The following VKORC1 variants were observed in gnomAD, a reference collection of about 807,000 sequenced individuals.
VKORC1 encodes the protein phylloquinone epoxide reductase.
VKORC1 carries 12 observed loss-of-function variants against 14.8 expected under a neutral mutation model. The observed-to-expected ratio is 0.81, with a 90% confidence interval of 0.52 to 1.31. The LOEUF is 1.31. Among genes scored for constraint, VKORC1 ranks in the 50% most tolerant of loss-of-function variants. The probability of loss-of-function intolerance (pLI) is 0.00; values close to 1 mark genes in which losing one functional copy is unlikely to be tolerated. For missense variants in VKORC1, 223 were observed against 215.3 expected (o/e 1.04, Z -0.22); for synonymous variants, 94 against 92.5 (o/e 1.02, Z -0.09).
chr16:31,092,538 G>T (rs923167227), intron 2 of VKORC1, among the ~76,000 whole-genome samples: 1 of 152,074 alleles, frequency 6.6e-6, no homozygotes, highest in Non-Finnish European at 1.5e-5. Flanking sequence ...CAAAGGGAGC[G>T]TGGGAGCCTG....
At position 31,090,975 on chromosome 16, in the gene VKORC1, G is replaced by A; in HGVS notation, c.*159C>T. 1 of 1,221,874 alleles carries A rather than the reference G, an allele frequency of 8.2e-7. No homozygotes were observed. The highest frequency in any genetic ancestry group is 1.4e-5 in the South Asian group (1 of 70,862). The allele number at this position is 1,221,874 out of a possible 1,614,324, so 75.7% of individuals were successfully genotyped here. ...TGGGTGTAAAAAAGAGCGAGCGTGT[G>A]GCACATTTGGTCCATTGTCATGTGC... On this transcript the variant is annotated 3_prime_UTR_variant, in exon 3 of 3. Transcript: ENST00000394975.
intron 2 of VKORC1, chr16:31,092,665 A>G: frequency 8.3e-7 from 1 of 1,197,796 alleles, no homozygotes; most frequent in Non-Finnish European, 1.1e-6. Flanking sequence ...ACTAGATACA[A>G]ATTTTCCTGC....
At position 31,093,411 on chromosome 16, in the gene VKORC1, C is replaced by T. The variant is rs1158890375; in HGVS notation, c.184G>A (p.Gly62Ser). 2 of 1,614,174 alleles carry T rather than the reference C, an allele frequency of 1.2e-6. No homozygotes were observed. The highest frequency in any genetic ancestry group is 3.3e-5 in the Admixed American group (2 of 60,028). Reference protein sequence around the residue: ...SRVFSSRWGRGFGLVEHVLGQ... With the variant: ...SRVFSSRWGRSFGLVEHVLGQ... ...AGCACATGCTCCACCAGCCCGAAAC[C>T]CCTGCCCCACCTGGCAGAGGGGTGG... Residue 62 changes from glycine to serine, a missense_variant, in exon 2 of 3, where the codon GGT (glycine) becomes AGT (serine). Gly to Ser is a moderately conservative substitution (Grantham distance 56, BLOSUM62 0). Transcript: ENST00000394975.
chr16:31,093,571 T>C, intron 1 of VKORC1, 150 bp from the exon 2 acceptor site: 1 of 1,527,690 alleles, frequency 6.5e-7, no homozygotes, highest in Non-Finnish European at 8.8e-7. Flanking sequence ...GATGATCTCC[T>C]GGCACCGGGC....
chr16:31,091,365 G>C, intron 2 of VKORC1, 23 bp from the exon 3 acceptor site: 1 of 1,606,606 alleles, frequency 6.2e-7, no homozygotes, highest in African/African-American at 1.3e-5. Context: ...AGAGGGTCCG[G>C]TGTGGGCTTC....
chr16:31,091,315 A>C lies in VKORC1; in HGVS notation c.311T>G (p.Val104Gly), dbSNP rs1389762752. The change falls in exon 3 of 3, where the codon GTC (valine) becomes GGC (glycine). Residue 104 changes from valine (V) to glycine (G), a missense_variant. Val to Gly is a moderately radical substitution (Grantham distance 109, BLOSUM62 -3). Coordinates refer to ENST00000394975, the MANE Select transcript of VKORC1 (RefSeq NM_024006.6). Reference sequence around the variant, plus strand: ...CACCAGGGAGCTCAGCAGCATCAGGACAGAGGCCCAGCGTGTCCGCAGGCA... The same window carrying C: ...CACCAGGGAGCTCAGCAGCATCAGGCCAGAGGCCCAGCGTGTCCGCAGGCA... ...LGCLRTRWAS[V>G]LMLLSSLVSL... 6.2e-7 allele frequency: 1 copy of C among 1,614,072 alleles called. No homozygotes were observed. Among genetic ancestry groups the C allele is most frequent in the South Asian group, 1.1e-5 (1 of 91,076 alleles).
intron 2 of VKORC1, among the ~76,000 whole-genome samples, chr16:31,091,573 AGACCC>A (rs2057290652): frequency 6.6e-6 from 1 of 152,246 alleles, no homozygotes; most frequent in Non-Finnish European, 1.5e-5. Flanking sequence ...CAACATAGAA[AGACCC>A]GATCTCTATC....
At chr16:31,091,951 G>A (rs1221923453) in intron 2 of VKORC1, among the ~76,000 whole-genome samples, 2 of 151,954 alleles carry the variant, frequency 1.3e-5, no homozygotes, top group Non-Finnish European at 2.9e-5. Context: ...AGGCCAAGGC[G>A]GATGGATCAC....
At position 31,091,346 on chromosome 16, in the gene VKORC1, C is replaced by G; in HGVS notation, c.284-4G>C. ...GCCCAGCGTGTCCGCAGGCAACCTG[C>G]AAGGCAGAAGAGGGTCCGGTGTGGG... On this transcript the variant is annotated splice_region_variant and splice_polypyrimidine_tract_variant and intron_variant, in intron 2 of 2. Transcript: ENST00000394975. The G allele has an allele frequency of 6.2e-7, 1 of 1,612,602 alleles. No individual in the cohort carries two copies. The highest frequency in any genetic ancestry group is 8.5e-7 in the Non-Finnish European group (1 of 1,179,392).
At chr16:31,092,264 G>A (rs1362794214) in intron 2 of VKORC1, among the ~76,000 whole-genome samples, 1 of 149,784 alleles carries the variant, frequency 6.7e-6, no homozygotes, top group Non-Finnish European at 1.5e-5. Flanking sequence ...GCTTGAGCCA[G>A]GTTACAGTGA....
intron 2 of VKORC1, among the ~76,000 whole-genome samples, chr16:31,092,275 G>A (rs544115362): frequency 6.7e-6 from 1 of 149,864 alleles, no homozygotes; most frequent in South Asian, 2.1e-4. Flanking sequence ...GTTACAGTGA[G>A]CTATGATTGT....
intron 2 of VKORC1, 35 bp downstream of exon 2, chr16:31,093,277 G>C (rs754735702): frequency 5.6e-6 from 9 of 1,593,574 alleles, no homozygotes; most frequent in Non-Finnish European, 7.7e-6. Flanking sequence ...TGAGGGGCGG[G>C]GCGGGGCGGG....
At chr16:31,091,467 C>T (rs1312354589) in intron 2 of VKORC1, 125 bp from the exon 3 acceptor site, 27 of 1,523,352 alleles carry the variant, frequency 1.8e-5, no homozygotes. Flanking sequence ...CAAGAGGCTC[C>T]AGGGCAGATG....
intron 2 of VKORC1, 122 bp from the exon 3 acceptor site, chr16:31,091,464 C>T: frequency 2.6e-6 from 4 of 1,525,682 alleles, no homozygotes; most frequent in African/African-American, 1.4e-5. Context: ...AAACAAGAGG[C>T]TCCAGGGCAG....
chr16:31,093,496 G>C, intron 1 of VKORC1, 75 bp from the exon 2 acceptor site: 1 of 1,607,796 alleles, frequency 6.2e-7, no homozygotes, highest in South Asian at 1.1e-5. Context: ...CCCGAGAAAG[G>C]TGATTTCCAA....
At chr16:31,094,423 C>G (rs2057313439) in intron 1 of VKORC1, 134 bp downstream of exon 1, 1 of 1,612,838 alleles carries the variant, frequency 6.2e-7, no homozygotes, top group South Asian at 1.1e-5. Flanking sequence ...TAGCTCAGCC[C>G]CTGTGCAACG....
At chr16:31,093,614 A>C in intron 1 of VKORC1, 193 bp from the exon 2 acceptor site, 1 of 1,404,854 alleles carries the variant, frequency 7.1e-7, no homozygotes, top group Non-Finnish European at 9.5e-7. Flanking sequence ...CATGTCACTG[A>C]CCCTATCCTC....
intron 1 of VKORC1, chr16:31,094,274 C>CA: frequency 6.2e-7 from 1 of 1,612,914 alleles, no homozygotes; most frequent in African/African-American, 1.3e-5. Context: ...TCTCTACCGC[C>CA]ATCCTGCCTC....
In VKORC1 at chr16:31,093,392, T is replaced by C. The variant is rs201044348; in HGVS notation, c.203A>G (p.His68Arg). The change falls in exon 2 of 3, where the codon CAT becomes CGT. Residue 68 changes from histidine (H) to arginine (R), a missense_variant. His to Arg is a conservative substitution (Grantham distance 29, BLOSUM62 0). Coordinates refer to ENST00000394975, the MANE Select transcript of VKORC1 (RefSeq NM_024006.6). ...GAGGATGCTGTCCTGTCCCAGCACA[T>C]GCTCCACCAGCCCGAAACCCCTGCC... is the stretch of plus-strand genomic sequence containing the variant. Reference protein sequence around the residue: ...RWGRGFGLVEHVLGQDSILNQ... With the variant: ...RWGRGFGLVERVLGQDSILNQ... 250 of 1,614,134 alleles carry C rather than the reference T, an allele frequency of 1.5e-4. No individual in the cohort carries two copies. The East Asian group carries it at 5.1e-3, about 33-fold the overall frequency.
Sources: gnomAD v4.1 joint callset for allele counts (sites outside exome capture counted in the v4.1 genomes callset) on GRCh38, gnomAD v4.1.1 for gene constraint, MANE v1.5 for transcripts, NCBI Gene and HGNC (gene_info 2026-07-23, HGNC 2026-07-21) for gene names.